Variants in CDC45 observed in about 807,000 individuals in gnomAD.
CDC45 encodes cell division control protein 45 homolog.
In CDC45, 54 loss-of-function variants were observed where a neutral mutation model predicts 77.8. The observed-to-expected ratio is 0.69, with a 90% CI of 0.56 to 0.87. The LOEUF (loss-of-function observed/expected upper bound fraction) is 0.87, where lower values mean the gene tolerates loss of function less well. CDC45 is among the 40% of genes least tolerant of loss of function. The pLI, the probability that CDC45 is intolerant of heterozygous loss-of-function variation, is 0.00. For synonymous variants in CDC45, 260 were observed against 272.1 expected, an observed-to-expected ratio of 0.96 and a Z score of 0.44; for missense variants, 649 against 721.6, an observed-to-expected ratio of 0.90 and a Z score of 1.15.
intron 5 of CDC45, among the ~76,000 whole-genome samples, chr22:19,492,286 G>A (rs2090165474): frequency 6.6e-6 from 1 of 151,914 alleles, no homozygotes. Context: ...TTCAGACTGG[G>A]TAATTTCTGT....
chr22:19,514,456 C>T (rs573792355), intron 13 of CDC45, among the ~76,000 whole-genome samples: 7 of 152,312 alleles, frequency 4.6e-5, no homozygotes, highest in Admixed American at 4.6e-4. Context: ...TTGCCCAAGC[C>T]TCCCCTGTGT....
intron 4 of CDC45, among the ~76,000 whole-genome samples, chr22:19,483,467 G>C (rs1044270377): frequency 6.6e-5 from 10 of 152,110 alleles, no homozygotes; most frequent in Admixed American, 2.6e-4. Flanking sequence ...GCCTGGAGTT[G>C]CTTTCAGACA....
chr22:19,486,479 A>G (rs2090069373), intron 5 of CDC45, among the ~76,000 whole-genome samples: 1 of 152,064 alleles, frequency 6.6e-6, no homozygotes, highest in Non-Finnish European at 1.5e-5. Flanking sequence ...AATGACATTG[A>G]AGGCCAGTTC....
At chr22:19,518,618 G>A (rs919024042) in intron 17 of CDC45, among the ~76,000 whole-genome samples, 2 of 152,160 alleles carry the variant, frequency 1.3e-5, no homozygotes, top group Admixed American at 6.5e-5. Context: ...CCGGGGGGGA[G>A]TTCTCCCTGC....
intron 13 of CDC45, among the ~76,000 whole-genome samples, chr22:19,509,295 T>C (rs540532173): frequency 8.2e-4 from 125 of 152,324 alleles, no homozygotes; most frequent in Non-Finnish European, 1.5e-3. Flanking sequence ...GGGACACTTT[T>C]ATTGGCAAAA....
At chr22:19,494,434 G>C in intron 6 of CDC45, 52 bp downstream of exon 6, 7 of 1,602,386 alleles carry the variant, frequency 4.4e-6, no homozygotes, top group Middle Eastern at 1.7e-4. Context: ...CTTGCCTGGG[G>C]GTCTGTGGTG....
chr22:19,481,797 A>G (rs1423186500), intron 3 of CDC45, among the ~76,000 whole-genome samples: 1 of 151,512 alleles, frequency 6.6e-6, no homozygotes, highest in Non-Finnish European at 1.5e-5. Context: ...TCAGCCTCCT[A>G]ACTAGCTGGG....
intron 5 of CDC45, among the ~76,000 whole-genome samples, chr22:19,490,156 T>A (rs1246774700): frequency 6.6e-6 from 1 of 152,222 alleles, no homozygotes; most frequent in African/African-American, 2.4e-5. Context: ...TCATTCTGCC[T>A]ATATTGTTAC....
intron 6 of CDC45, among the ~76,000 whole-genome samples, chr22:19,495,418 G>C (rs1017983567): frequency 3.3e-5 from 5 of 152,178 alleles, no homozygotes; most frequent in Non-Finnish European, 4.4e-5. Flanking sequence ...GTAATTATGG[G>C]ACAATTTCTC....
intron 13 of CDC45, among the ~76,000 whole-genome samples, chr22:19,513,499 C>T (rs530340459): frequency 1.3e-5 from 2 of 152,304 alleles, no homozygotes; most frequent in South Asian, 4.1e-4. Flanking sequence ...CTCCTTCCAG[C>T]TGTTTTTCTG....
upstream of CDC45, chr22:19,479,908 T>C: frequency 6.3e-7 from 1 of 1,588,496 alleles, no homozygotes; most frequent in Non-Finnish European, 8.6e-7. Context: ...GGCGGGAGTC[T>C]TGACCGCCGC....
At chr22:19,489,981 T>C (rs1212235659) in intron 5 of CDC45, among the ~76,000 whole-genome samples, 1 of 152,252 alleles carries the variant, frequency 6.6e-6, no homozygotes, top group East Asian at 1.9e-4. Flanking sequence ...ACATTTAGGA[T>C]TGTGGTGTCC....
chr22:19,514,835 G>A lies in CDC45; in HGVS notation c.1304G>A (p.Cys435Tyr). The change falls in exon 14 of 19, where the codon TGC becomes TAC. Residue 435 changes from cysteine (C) to tyrosine (Y), a missense_variant. By Grantham distance (194) the Cys-to-Tyr change is radical. Coordinates refer to ENST00000263201, the MANE Select transcript of CDC45 (RefSeq NM_003504.5). Reference protein sequence around the residue: ...ATQQTIASCLCTNLVISQGPF... With the variant: ...ATQQTIASCLYTNLVISQGPF... The stretch of plus-strand genomic sequence containing the variant: ...CAGCAGACCATTGCCAGCTGCCTTT[G>A]CACCAACCTCGTCATCTCCCAGGGG... The A allele has an allele frequency of 5.6e-6, 9 of 1,614,190 alleles. No homozygotes were observed. Among genetic ancestry groups the A allele is most frequent in the Non-Finnish European group, 7.6e-6 (9 of 1,180,042 alleles).
chr22:19,480,242 G>A (rs2089954802), intron 2 of CDC45, 25 bp downstream of exon 2: 1 of 1,609,682 alleles, frequency 6.2e-7, no homozygotes, highest in African/African-American at 1.3e-5. Flanking sequence ...CCCTAGGAGG[G>A]CGGGGCCGGC....
At position 19,505,573 on chromosome 22, in the gene CDC45, T is replaced by A. The variant is rs1933124751; in HGVS notation, c.824+92T>A. The A allele has an allele frequency of 2.8e-6, 4 of 1,426,920 alleles. No individual in the cohort carries two copies. In the Admixed American group the frequency reaches 7.1e-5, roughly 25 times the overall value. 88.4% of individuals were successfully genotyped at this position (1,426,920 alleles called of 1,614,324 possible). Reference sequence around the variant, plus strand: ...TCACCCTCTGTGGGTTCTGGCCACATCCCCAGGAGGGAAAGCAGGTGGGGC... The same window carrying A: ...TCACCCTCTGTGGGTTCTGGCCACAACCCCAGGAGGGAAAGCAGGTGGGGC... On this transcript the variant is annotated intron_variant, in intron 10 of 18. Transcript: ENST00000263201.
In CDC45 at chr22:19,520,013, A is replaced by G. The variant is rs138407194; in HGVS notation, c.*2-468A>G. ...ATGAGTGTGAGCATCACAGGACTGCATAGGGTGGGGCGGAGGCAGAGGTGG... is the reference window on the plus strand; with the variant it reads ...ATGAGTGTGAGCATCACAGGACTGCGTAGGGTGGGGCGGAGGCAGAGGTGG... On this transcript the variant is annotated intron_variant, in intron 18 of 18. Coordinates refer to ENST00000263201, the MANE Select transcript of CDC45 (RefSeq NM_003504.5). This position sits in a 1 kb window ranked among gnomAD's most constrained non-coding sequence, Gnocchi z 4.5. Among the ~76,000 whole-genome samples, 1 of 152,308 alleles carries G rather than the reference A, an allele frequency of 6.6e-6. No individual in the cohort carries two copies. Among genetic ancestry groups the G allele is most frequent in the South Asian group, 2.1e-4 (1 of 4,826 alleles).
At chr22:19,488,935 G>T (rs909947382) in intron 5 of CDC45, among the ~76,000 whole-genome samples, 1 of 152,150 alleles carries the variant, frequency 6.6e-6, no homozygotes, top group Non-Finnish European at 1.5e-5. Flanking sequence ...GGTCAGGATG[G>T]GAGGCTAAGG....
intron 17 of CDC45, 96 bp downstream of exon 17, chr22:19,516,989 C>T (rs1933836615): frequency 1.9e-6 from 2 of 1,042,610 alleles, no homozygotes; most frequent in South Asian, 1.3e-5. Context: ...GCTGGAGGAG[C>T]CTGGCCAGCA....
rs377663799 is a variant in CDC45, at chr22:19,514,985, G to C, written c.1377G>C (p.Leu459=). 3.6e-5 allele frequency: 58 copies of C among 1,614,178 alleles called. No individual in the cohort carries two copies. Among genetic ancestry groups the C allele is most frequent in the Non-Finnish European group, 4.9e-5 (58 of 1,180,020 alleles). ...SLMEGTPDVM[L]FSRPASLSLL... ...CGCAGGGCACTCCAGATGTCATGCT[G>C]TTCTCTAGGCCGGCATCCCTAAGCC... is the stretch of plus-strand genomic sequence containing the variant. The change falls in exon 15 of 19, where the codon CTG becomes CTC. Residue 459 remains leucine (L), a synonymous_variant. Coordinates refer to ENST00000263201, the MANE Select transcript of CDC45 (RefSeq NM_003504.5).
Sources: allele counts gnomAD v4.1 joint callset (sites outside exome capture counted in the v4.1 genomes callset), GRCh38; gene constraint gnomAD v4.1.1; non-coding constraint Gnocchi (gnomAD v3.1); transcripts MANE v1.5; gene names NCBI Gene and HGNC (gene_info 2026-07-23, HGNC 2026-07-21).